Variants in ACSBG1 observed in about 807,000 individuals in gnomAD.
ACSBG1 encodes the protein long-chain-fatty-acid--CoA ligase ACSBG1.
In ACSBG1, 39 loss-of-function variants were observed where a neutral mutation model predicts 80.2. The ratio of observed to expected loss-of-function variants is 0.49; its 90% CI spans 0.38 to 0.64. The LOEUF (loss-of-function observed/expected upper bound fraction) is 0.64, where lower values mean the gene tolerates loss of function less well. Among genes scored for constraint, ACSBG1 ranks in the 30% least tolerant of loss-of-function variants. The probability of loss-of-function intolerance (pLI) is 0.00; values close to 1 mark genes in which losing one functional copy is unlikely to be tolerated. For missense variants in ACSBG1, 828 were observed against 966.4 expected, an observed-to-expected ratio of 0.86 and a Z score of 1.90; for synonymous variants, 392 against 379.5, an observed-to-expected ratio of 1.03 and a Z score of -0.38.
At chr15:78,226,785 AAT>A (rs140363906) in intron 1 of ACSBG1, among the ~76,000 whole-genome samples, 20 of 78,404 alleles carry the variant, frequency 2.6e-4, no homozygotes, top group East Asian at 6.4e-4. Flanking sequence ...CACATAGAAA[AAT>A]ATATATATAT....
At chr15:78,173,034 T>C (rs2074841739) in intron 13 of ACSBG1, among the ~76,000 whole-genome samples, 1 of 152,220 alleles carries the variant, frequency 6.6e-6, no homozygotes, top group Admixed American at 6.5e-5. Context: ...TTAAATGTCA[T>C]GTTCAGATTA....
Position 78,179,619 on chromosome 15 carries a change from G to A in ACSBG1, c.1415C>T (p.Ala472Val), listed in dbSNP as rs774668709. Residue 472 changes from alanine (A) to valine (V), a missense_variant, in exon 10 of 14, where the codon GCG becomes GTG. By Grantham distance (64) the Ala-to-Val change is moderately conservative. Coordinates refer to ENST00000258873, the MANE Select transcript of ACSBG1 (RefSeq NM_015162.5). ...FFLGLNIRLY[A>V]GYGLSETSGP... The stretch of plus-strand genomic sequence containing the variant: ...TGAGGTCTCACTGAGGCCGTAGCCC[G>A]CATACAAGCGGATGTTGAGACCCAG... 9 of 1,614,170 alleles carry A rather than the reference G, an allele frequency of 5.6e-6. No individual in the cohort carries two copies. The highest frequency in any genetic ancestry group is 3.3e-5 in the Admixed American group (2 of 60,020).
Position 78,193,532 on chromosome 15 carries a change from G to T in ACSBG1, c.637C>A (p.Gln213Lys), listed in dbSNP as rs1280202668. 4.3e-6 allele frequency: 7 copies of T among 1,612,428 alleles called. No individual in the cohort carries two copies. The highest frequency in any genetic ancestry group is 5.9e-6 in the Non-Finnish European group (7 of 1,179,110). The change falls in exon 5 of 14, where the codon CAG becomes AAG. Residue 213 changes from glutamine to lysine, a missense_variant. Physicochemically the swap from Gln to Lys is moderately conservative, Grantham distance 53 (BLOSUM62 1). Coordinates refer to ENST00000258873, the MANE Select transcript of ACSBG1 (RefSeq NM_015162.5). The stretch of plus-strand genomic sequence containing the variant: ...TTCAGGATCTTTTCCAGCTGCTTCT[G>T]CGTGTCGACCATGATGACATTGGCG... Reference protein sequence around the residue: ...CCANVIMVDTQKQLEKILKIW... With the variant: ...CCANVIMVDTKKQLEKILKIW...
At chr15:78,200,254 C>T (rs1259554555) in intron 2 of ACSBG1, among the ~76,000 whole-genome samples, 1 of 152,070 alleles carries the variant, frequency 6.6e-6, no homozygotes, top group African/African-American at 2.4e-5. Context: ...TGTCAGTCTC[C>T]TATTAGTCCA....
At chr15:78,193,775 C>T in intron 4 of ACSBG1, 149 bp from the exon 5 acceptor site, 2 of 1,441,712 alleles carry the variant, frequency 1.4e-6, no homozygotes, top group South Asian at 2.7e-5. Context: ...TCCTCCCCTG[C>T]AGAGAGGGCG....
Position 78,179,809 on chromosome 15 carries a change from A to ATC in ACSBG1, c.1254-30_1254-29insGA, listed in dbSNP as rs1470072087. 49 of 1,409,934 alleles carry ATC rather than the reference A, an allele frequency of 3.5e-5. 1 individual carries two copies. The highest frequency in any genetic ancestry group is 2.0e-6 in the Non-Finnish European group (2 of 1,012,628). The allele number at this position is 1,409,934 out of a possible 1,614,324, so 87.3% of individuals were successfully genotyped here. A position where few individuals can be genotyped will look rare whatever the true frequency, so the allele number is the denominator to read the frequency against. On this transcript the variant is annotated intron_variant, in intron 9 of 13. Transcript: ENST00000258873. ...GTGGGAGAGGGAGAATGGTTCACAG[A>ATC]AGAAATCACACACACACACACACAC...
At chr15:78,201,749 AG>A (rs2075170498) in intron 2 of ACSBG1, among the ~76,000 whole-genome samples, 1 of 152,214 alleles carries the variant, frequency 6.6e-6, no homozygotes, top group African/African-American at 2.4e-5. Flanking sequence ...ATGAGTTAGA[AG>A]GGCTGGGCCT....
At chr15:78,202,043 G>A (rs1426547476) in intron 2 of ACSBG1, among the ~76,000 whole-genome samples, 1 of 152,320 alleles carries the variant, frequency 6.6e-6, no homozygotes, top group African/African-American at 2.4e-5. Context: ...GGTGGTGGAA[G>A]TCACAGCATA....
In ACSBG1 at chr15:78,177,123, G is replaced by A. The variant is rs1285144467; in HGVS notation, c.1702+1491C>T. ...AATCAAAATTCCACCCAGTTTTTGA[G>A]GAAACATATAATGATTCTAAAATTC... On this transcript the variant is annotated intron_variant, in intron 11 of 13. Coordinates refer to ENST00000258873, the MANE Select transcript of ACSBG1 (RefSeq NM_015162.5). This position sits in a 1 kb window ranked among gnomAD's most constrained non-coding sequence, Gnocchi z 4.1. Among the ~76,000 whole-genome samples, 3 of 151,990 alleles carry A rather than the reference G, an allele frequency of 2.0e-5. No individual in the cohort carries two copies. The highest frequency in any genetic ancestry group is 2.1e-4 in the South Asian group (1 of 4,818).
At chr15:78,215,043 C>A (rs1334976604) in intron 1 of ACSBG1, among the ~76,000 whole-genome samples, 1 of 151,934 alleles carries the variant, frequency 6.6e-6, no homozygotes, top group African/African-American at 2.4e-5. Context: ...CCCCCATAGA[C>A]CCCCATCAAT....
intron 9 of ACSBG1, 132 bp downstream of exon 9, chr15:78,180,623 T>A: frequency 8.5e-7 from 1 of 1,176,530 alleles, no homozygotes; most frequent in Non-Finnish European, 1.2e-6. Flanking sequence ...TGATGGGGCC[T>A]CTGCACGGGG....
At chr15:78,197,207 TAGAA>T (rs1567088297) in intron 2 of ACSBG1, among the ~76,000 whole-genome samples, 1 of 152,060 alleles carries the variant, frequency 6.6e-6, no homozygotes, top group Non-Finnish European at 1.5e-5. Flanking sequence ...GCAGAAAAGA[TAGAA>T]AGCAGATTCG....
chr15:78,178,653 C>T lies in ACSBG1; in HGVS notation c.1663G>A (p.Asp555Asn). Residue 555 changes from aspartate (D) to asparagine (N), a missense_variant, in exon 11 of 14, where the codon GAC (aspartate) becomes AAC (asparagine). By Grantham distance (23) the Asp-to-Asn change is conservative (BLOSUM62 1). Transcript: ENST00000258873. This position sits in a 1 kb window ranked among gnomAD's most constrained non-coding sequence, Gnocchi z 4.3. The part of the protein sequence containing the change: ...WLHTGDAGRL[D>N]ADGFLYITGR... ...GTGATGTAGAGGAAGCCATCGGCGT[C>T]CAGGCGGCCAGCATCACCCGTGTGC... 6.2e-7 allele frequency: 1 copy of T among 1,613,880 alleles called. No homozygotes were observed. The highest frequency in any genetic ancestry group is 8.5e-7 in the Non-Finnish European group (1 of 1,179,962).
chr15:78,217,965 G>A lies in ACSBG1; in HGVS notation c.132-9863C>T, dbSNP rs2075326437. Among the ~76,000 whole-genome samples the A allele has an allele frequency of 2.0e-5, 3 of 152,172 alleles. 1 individual carries two copies. The highest frequency in any genetic ancestry group is 1.5e-5 in the Non-Finnish European group (1 of 68,034). ...CAGACACAGAGAACGGCCAGCTGGT[G>A]GTTTTGGTTACCACAGGAAGGGCAG... On this transcript the variant is annotated intron_variant, in intron 1 of 13. Transcript: ENST00000258873.
At chr15:78,182,353 C>T in intron 7 of ACSBG1, 113 bp downstream of exon 7, 1 of 1,461,928 alleles carries the variant, frequency 6.8e-7, no homozygotes, top group Non-Finnish European at 9.2e-7. Context: ...ATCCCAGCTC[C>T]TAGAGCAGAG....
intron 1 of ACSBG1, among the ~76,000 whole-genome samples, chr15:78,223,008 T>A (rs1192540893): frequency 6.6e-6 from 1 of 152,182 alleles, no homozygotes; most frequent in Non-Finnish European, 1.5e-5. Context: ...AGAATCTAAT[T>A]TCCCTCTCTC....
chr15:78,204,859 C>T (rs1201816419), intron 2 of ACSBG1, among the ~76,000 whole-genome samples: 1 of 152,210 alleles, frequency 6.6e-6, no homozygotes, highest in Non-Finnish European at 1.5e-5. Context: ...CCCCTTGCAA[C>T]ATTTGGGAAG....
chr15:78,201,499 C>A (rs2075167555), intron 2 of ACSBG1, among the ~76,000 whole-genome samples: 1 of 152,266 alleles, frequency 6.6e-6, no homozygotes, highest in African/African-American at 2.4e-5. Flanking sequence ...TAGGGCCTGC[C>A]CTGCTCATTG....
rs778855756 is a variant in ACSBG1, at chr15:78,182,729, T to A, written c.720A>T (p.Pro240=). ...KAVVIYKEPP[P]NKMANVYTME... The stretch of plus-strand genomic sequence containing the variant: ...CCGTGTACACATTGGCCATCTTGTT[T>A]GGAGGAGGTTCTTTATATATCACGA... Residue 240 remains proline, a synonymous_variant, in exon 6 of 14, where the codon CCA becomes CCT. Coordinates refer to ENST00000258873, the MANE Select transcript of ACSBG1 (RefSeq NM_015162.5). The A allele has an allele frequency of 3.1e-6, 5 of 1,614,126 alleles. No homozygotes were observed. The Admixed American group carries it at 8.3e-5, about 27-fold the overall frequency.
Sources: gnomAD v4.1 joint callset for allele counts (sites outside exome capture counted in the v4.1 genomes callset) on GRCh38, gnomAD v4.1.1 for gene constraint, Gnocchi (gnomAD v3.1) non-coding constraint, MANE v1.5 for transcripts, NCBI Gene and HGNC (gene_info 2026-07-23, HGNC 2026-07-21) for gene names.